The following RMDN2 variants were observed in gnomAD, a reference collection of about 807,000 sequenced individuals.
RMDN2 encodes the protein regulator of microtubule dynamics protein 2.
In RMDN2, 61 loss-of-function variants were observed where a neutral mutation model predicts 52.8. That is an observed-to-expected ratio of 1.16 (90% CI 0.94 to 1.43). The LOEUF (loss-of-function observed/expected upper bound fraction) is 1.43, where lower values mean the gene tolerates loss of function less well. RMDN2 is among the 40% of genes most tolerant of loss of function. The pLI is 0.00. For synonymous variants in RMDN2, 180 were observed against 153.1 expected (o/e 1.18, Z -1.30); for missense variants, 592 against 475.3 (o/e 1.25, Z -2.28).
intron 10 of RMDN2, among the ~76,000 whole-genome samples, chr2:38,051,971 G>A (rs1681629157): frequency 6.6e-6 from 1 of 152,166 alleles, no homozygotes; most frequent in Non-Finnish European, 1.5e-5. Flanking sequence ...GAATAGTGCT[G>A]CAATAAACAT....
chr2:38,026,198 G>T lies in RMDN2; in HGVS notation c.1713+21982G>T, dbSNP rs148318410. Among the ~76,000 whole-genome samples, 61 of 152,180 alleles carry T rather than the reference G, an allele frequency of 4.0e-4. No homozygotes were observed. The East Asian group carries it at 0.011, about 26-fold the overall frequency. On this transcript the variant is annotated intron_variant, in intron 10 of 10. Coordinates refer to the RMDN2 transcript ENST00000234195. The stretch of plus-strand genomic sequence containing the variant: ...TCTTTGGTAGTTTGTATCTTTCAAA[G>T]AATTTATCTATTTTTCTATTTCATT...
intron 10 of RMDN2, among the ~76,000 whole-genome samples, chr2:38,008,193 G>T (rs1252006666): frequency 6.6e-6 from 1 of 152,172 alleles, no homozygotes; most frequent in East Asian, 1.9e-4. Context: ...TTGATTTGGG[G>T]TGGAGAGTTC....
chr2:38,028,130 A>G lies in RMDN2; in HGVS notation c.1713+23914A>G, dbSNP rs149394507. 5.3e-3 allele frequency: 811 copies of G among 152,142 alleles called. 4 individuals carry two copies. The highest frequency in any genetic ancestry group is 0.018 in the African/African-American group (765 of 41,574). The allele number at this position is 152,142 out of a possible 1,614,324, so 9.4% of individuals were successfully genotyped here. A position where few individuals can be genotyped will look rare whatever the true frequency, so the allele number is the denominator to read the frequency against. ...TTATTGAGCTAAAATTATGGGGACT[A>G]TCCAGAGGCTGATCCAAATTTCAGG... On this transcript the variant is annotated intron_variant, in intron 10 of 10. Coordinates refer to the RMDN2 transcript ENST00000234195.
intron 2 of RMDN2, among the ~76,000 whole-genome samples, chr2:37,942,326 C>G (rs1056353693): frequency 6.6e-6 from 1 of 152,166 alleles, no homozygotes; most frequent in African/African-American, 2.4e-5. Flanking sequence ...ATGCTGCAGA[C>G]TGGAGCTGTT....
At position 37,972,463 on chromosome 2, in the gene RMDN2, A is replaced by G. The variant is rs565700393; in HGVS notation, c.453-1577A>G. Among the ~76,000 whole-genome samples, 5 of 152,320 alleles carry G rather than the reference A, an allele frequency of 3.3e-5. No homozygotes were observed. The South Asian group carries it at 1.0e-3, about 32-fold the overall frequency. ...AGTTTCTGGAATGCTGTGAGCAAGC[A>G]GGAAAGTGATAGAAGATAAGACCAG... is the stretch of plus-strand genomic sequence containing the variant. On this transcript the variant is annotated intron_variant, in intron 2 of 10. Coordinates refer to ENST00000354545, the MANE Select transcript of RMDN2 (RefSeq NM_001170791.3).
chr2:38,037,736 C>CAAGG (rs1028064274), intron 10 of RMDN2, among the ~76,000 whole-genome samples: 12 of 152,210 alleles, frequency 7.9e-5, no homozygotes, highest in African/African-American at 2.9e-4. Flanking sequence ...GAAAGAAATT[C>CAAGG]AAGGAAGGAG....
intron 2 of RMDN2, among the ~76,000 whole-genome samples, chr2:37,939,876 T>C (rs1205203130): frequency 6.6e-6 from 1 of 152,234 alleles, no homozygotes; most frequent in Non-Finnish European, 1.5e-5. Flanking sequence ...ATTTAGCCCA[T>C]TTACATTTAA....
At chr2:37,989,302 G>A (rs1181244978) in intron 5 of RMDN2, among the ~76,000 whole-genome samples, 1 of 151,968 alleles carries the variant, frequency 6.6e-6, no homozygotes, top group African/African-American at 2.4e-5. Context: ...ACCTGTTTTG[G>A]CTTATTTTAC....
chr2:38,039,093 C>CACACAG (rs1317093706), intron 10 of RMDN2, among the ~76,000 whole-genome samples: 4 of 91,588 alleles, frequency 4.4e-5, no homozygotes, highest in South Asian at 2.8e-4. Flanking sequence ...CACACACACA[C>CACACAG]AGAGAGAGAG....
At chr2:38,040,186 G>A (rs913545246) in intron 10 of RMDN2, among the ~76,000 whole-genome samples, 1 of 151,640 alleles carries the variant, frequency 6.6e-6, no homozygotes, top group Non-Finnish European at 1.5e-5. Flanking sequence ...CTATATTTGT[G>A]TGTCTATTTC....
At chr2:38,021,394 A>G (rs189226324), downstream of RMDN2, among the ~76,000 whole-genome samples, 3 of 152,264 alleles carry the variant, frequency 2.0e-5, no homozygotes, top group African/African-American at 7.2e-5. Context: ...CCCCCTCTGC[A>G]CTGTGGAAGC....
At chr2:38,010,093 C>T (rs1332981835) in intron 10 of RMDN2, among the ~76,000 whole-genome samples, 5 of 152,122 alleles carry the variant, frequency 3.3e-5, no homozygotes, top group African/African-American at 7.2e-5. Context: ...GAGGAGTACC[C>T]GGGCATCTGA....
intron 2 of RMDN2, among the ~76,000 whole-genome samples, chr2:37,971,330 A>C (rs1369747769): frequency 6.6e-6 from 1 of 152,092 alleles, no homozygotes; most frequent in Admixed American, 6.5e-5. Context: ...TTTGTTGAAG[A>C]GTATTGTTTC....
At chr2:37,982,035 G>T (rs1673387777) in intron 5 of RMDN2, among the ~76,000 whole-genome samples, 1 of 152,022 alleles carries the variant, frequency 6.6e-6, no homozygotes. Flanking sequence ...GCCCCAGATA[G>T]TGGGAAGATA....
chr2:37,994,064 T>C (rs1675183111), intron 7 of RMDN2, among the ~76,000 whole-genome samples: 5 of 152,192 alleles, frequency 3.3e-5, no homozygotes. Context: ...AGATAGGCTT[T>C]GTCAAACTTT....
intron 10 of RMDN2, chr2:38,030,320 C>G (rs1042457232): frequency 6.6e-6 from 1 of 152,168 alleles, no homozygotes; most frequent in Non-Finnish European, 1.5e-5. Flanking sequence ...TTCTCTGACC[C>G]AGTTGCTTGC....
intron 2 of RMDN2, among the ~76,000 whole-genome samples, chr2:37,932,959 G>A (rs1297319286): frequency 1.3e-5 from 2 of 151,390 alleles, no homozygotes; most frequent in East Asian, 4.0e-4. Context: ...GCCGGGCGGA[G>A]ACGCTCCTCA....
intron 7 of RMDN2, among the ~76,000 whole-genome samples, chr2:37,991,575 A>G (rs7606530): frequency 0.3 from 45,802 of 151,928 alleles, 7,477 homozygotes; most frequent in East Asian, 0.62. Flanking sequence ...TTTTATATAT[A>G]TGTGATCTTT....
chr2:37,970,343 G>A (rs1334902795), intron 2 of RMDN2, among the ~76,000 whole-genome samples: 2 of 152,172 alleles, frequency 1.3e-5, no homozygotes, highest in African/African-American at 2.4e-5. Flanking sequence ...TTGCGCCAGA[G>A]AAATTGTCTA....
Sources: allele counts gnomAD v4.1 joint callset (sites outside exome capture counted in the v4.1 genomes callset), GRCh38; gene constraint gnomAD v4.1.1; transcripts MANE v1.5; gene names NCBI Gene and HGNC (gene_info 2026-07-23, HGNC 2026-07-21).